SLC1A1: variants seen among roughly 807,000 people sequenced by gnomAD.
The protein encoded by SLC1A1 is excitatory amino acid transporter 3.
A neutral mutation model predicts 53.3 loss-of-function variants in SLC1A1; 43 were observed. The observed-to-expected ratio is 0.81, with a 90% CI of 0.63 to 1.04. The LOEUF is 1.04. Among genes scored for constraint, SLC1A1 ranks in the 50% least tolerant of loss-of-function variants. The pLI is 0.00. For missense variants in SLC1A1, 748 were observed against 664.9 expected (o/e 1.12, Z -1.37); for synonymous variants, 307 against 243.2 (o/e 1.26, Z -2.44).
intron 3 of SLC1A1, among the ~76,000 whole-genome samples, chr9:4,562,057 CCTAA>C (rs1191931312): frequency 6.9e-6 from 1 of 145,936 alleles, no homozygotes; most frequent in Non-Finnish European, 1.5e-5. Context: ...TGTGCCTGGC[CCTAA>C]CTACTTTTTT....
intron 1 of SLC1A1, among the ~76,000 whole-genome samples, chr9:4,541,022 C>G (rs932333001): frequency 6.6e-6 from 1 of 152,170 alleles, no homozygotes; most frequent in African/African-American, 2.4e-5. Context: ...CAAGCATCTG[C>G]TTGAAATTAC....
intron 1 of SLC1A1, among the ~76,000 whole-genome samples, chr9:4,522,957 A>G (rs1461598808): frequency 6.6e-6 from 1 of 152,166 alleles, no homozygotes. Context: ...TCCTTTAATT[A>G]CTGGATGAAG....
intron 1 of SLC1A1, among the ~76,000 whole-genome samples, chr9:4,543,234 C>T (rs901695977): frequency 3.3e-5 from 5 of 152,150 alleles, no homozygotes; most frequent in Admixed American, 3.3e-4. Context: ...AAACTAATTA[C>T]TTGAGTTTTT....
intron 1 of SLC1A1, among the ~76,000 whole-genome samples, chr9:4,543,883 A>G (rs1358658034): frequency 1.3e-5 from 2 of 152,234 alleles, no homozygotes; most frequent in Admixed American, 6.5e-5. Context: ...TGTAAACTAT[A>G]AAATATGTAA....
In SLC1A1 at chr9:4,561,522, T is replaced by C. The variant is rs375266667; in HGVS notation, c.306T>C (p.Thr102=). Residue 102 remains threonine (T), a synonymous_variant, in exon 3 of 12, where the codon ACT becomes ACC. Transcript: ENST00000262352. ...CTGTCGTGTATTATTTCTGTACCAC[T>C]CTCATTGCTGTTATTCTAGGTAATA... is the stretch of plus-strand genomic sequence containing the variant. ...LRAVVYYFCT[T]LIAVILGIVL... The C allele has an allele frequency of 6.3e-7, 1 of 1,592,298 alleles. No individual in the cohort carries two copies. Among genetic ancestry groups the C allele is most frequent in the Non-Finnish European group, 8.6e-7 (1 of 1,160,178 alleles).
At chr9:4,540,732 C>G (rs746731585) in intron 1 of SLC1A1, among the ~76,000 whole-genome samples, 1 of 152,192 alleles carries the variant, frequency 6.6e-6, no homozygotes, top group South Asian at 2.1e-4. Context: ...AGATCCAGCA[C>G]CCGTGCACTG....
intron 1 of SLC1A1, among the ~76,000 whole-genome samples, chr9:4,506,442 A>G (rs890684199): frequency 4.6e-5 from 7 of 152,212 alleles, no homozygotes; most frequent in African/African-American, 1.4e-4. Context: ...TAACCTAAGA[A>G]AAGATCTTGT....
At chr9:4,546,632 T>A (rs1418157675) in intron 2 of SLC1A1, among the ~76,000 whole-genome samples, 1 of 152,194 alleles carries the variant, frequency 6.6e-6, no homozygotes. Context: ...GCAGTTATAA[T>A]CCCTTAGAAT....
chr9:4,502,248 G>A (rs1036674241), intron 1 of SLC1A1, among the ~76,000 whole-genome samples: 2 of 151,124 alleles, frequency 1.3e-5, no homozygotes, highest in Admixed American at 6.6e-5. Flanking sequence ...TTAACCAGGT[G>A]TGGTGGGTCA....
intron 1 of SLC1A1, among the ~76,000 whole-genome samples, chr9:4,532,588 T>G (rs1173567965): frequency 6.6e-6 from 1 of 152,178 alleles, no homozygotes; most frequent in Non-Finnish European, 1.5e-5. Flanking sequence ...TACATCTGAT[T>G]GTTGTACCTG....
At chr9:4,561,645 A>T in intron 3 of SLC1A1, 104 bp downstream of exon 3, 1 of 795,764 alleles carries the variant, frequency 1.3e-6, no homozygotes, top group Non-Finnish European at 2.2e-6. Flanking sequence ...TAATCTCAGA[A>T]ATCTGGGAGG....
intron 8 of SLC1A1, among the ~76,000 whole-genome samples, chr9:4,574,630 A>C (rs772924934): frequency 5.9e-5 from 9 of 152,160 alleles, no homozygotes; most frequent in Non-Finnish European, 1.3e-4. Context: ...ATTACAGCCT[A>C]GCTACTGTTT....
intron 1 of SLC1A1, among the ~76,000 whole-genome samples, chr9:4,523,416 G>A (rs1816154408): frequency 6.6e-6 from 1 of 150,412 alleles, no homozygotes; most frequent in Non-Finnish European, 1.5e-5. Flanking sequence ...TTATTTTGTT[G>A]ATATCAAGTG....
intron 1 of SLC1A1, among the ~76,000 whole-genome samples, chr9:4,537,177 A>G (rs1486593260): frequency 6.6e-6 from 1 of 152,186 alleles, no homozygotes; most frequent in African/African-American, 2.4e-5. Flanking sequence ...CATGTACCCT[A>G]AAACTTAAAT....
chr9:4,569,277 T>C (rs1564053395), intron 6 of SLC1A1, among the ~76,000 whole-genome samples: 1 of 152,224 alleles, frequency 6.6e-6, no homozygotes, highest in Non-Finnish European at 1.5e-5. Flanking sequence ...GTGTATATAC[T>C]GCATATTATG....
rs754345788 is a variant in SLC1A1, at chr9:4,583,101, G to A, written c.1257G>A (p.Met419Ile). The change falls in exon 11 of 12, where the codon ATG (methionine) becomes ATA (isoleucine). Residue 419 changes from methionine to isoleucine, a missense_variant. Transcript: ENST00000262352. This position sits in a 1 kb window ranked among gnomAD's most constrained non-coding sequence, Gnocchi z 4.6. The part of the protein sequence containing the change: ...AGVPQAGLVT[M>I]VIVLSAVGLP... ...TGCCCCAGGCTGGCCTGGTGACCAT[G>A]GTGATTGTGCTGAGTGCCGTGGGCC... 1.2e-6 allele frequency: 2 copies of A among 1,614,216 alleles called. No homozygotes were observed. Among genetic ancestry groups the A allele is most frequent in the Non-Finnish European group, 1.7e-6 (2 of 1,180,040 alleles).
At chr9:4,567,838 A>G in intron 6 of SLC1A1, 71 bp downstream of exon 6, 1 of 961,274 alleles carries the variant, frequency 1.0e-6, no homozygotes, top group South Asian at 1.4e-5. Context: ...AGGAAATACA[A>G]TCAATCCTCG....
chr9:4,581,103 A>C (rs909887770), intron 10 of SLC1A1, among the ~76,000 whole-genome samples: 2 of 152,188 alleles, frequency 1.3e-5, no homozygotes, highest in African/African-American at 4.8e-5. Context: ...CAAGGAATTG[A>C]GATTCAGAGA....
intron 2 of SLC1A1, among the ~76,000 whole-genome samples, chr9:4,551,512 T>C (rs1307068631): frequency 6.6e-6 from 1 of 152,228 alleles, no homozygotes; most frequent in Non-Finnish European, 1.5e-5. Context: ...CACTTTGTTG[T>C]ACAACTTGCT....
Sources: allele counts gnomAD v4.1 joint callset (sites outside exome capture counted in the v4.1 genomes callset), GRCh38; gene constraint gnomAD v4.1.1; non-coding constraint Gnocchi (gnomAD v3.1); transcripts MANE v1.5; gene names NCBI Gene and HGNC (gene_info 2026-07-23, HGNC 2026-07-21).